Variants in RB1 observed in about 807,000 individuals in gnomAD.
RB1 encodes retinoblastoma-associated protein.
A neutral mutation model predicts 135.4 loss-of-function variants in RB1; 18 were observed. The observed-to-expected ratio is 0.13, with a 90% CI of 0.09 to 0.20. RB1 has a LOEUF of 0.20. RB1 is among the 10% of genes least tolerant of loss of function. The pLI, the probability that RB1 is intolerant of heterozygous loss-of-function variation, is 1.00. For synonymous variants in RB1, 365 were observed against 373.2 expected (o/e 0.98, Z 0.25); for missense variants, 868 against 1,110.0 (o/e 0.78, Z 3.10).
At chr13:48,461,828 T>A (rs1244444869) in intron 20 of RB1, among the ~76,000 whole-genome samples, 2 of 152,080 alleles carry the variant, frequency 1.3e-5, no homozygotes, top group Non-Finnish European at 2.9e-5. Context: ...CCATTTTATT[T>A]TTTATTTATT....
intron 24 of RB1, among the ~76,000 whole-genome samples, chr13:48,475,226 A>G (rs1949496931): frequency 1.3e-5 from 2 of 152,212 alleles, no homozygotes; most frequent in African/African-American, 4.8e-5. Flanking sequence ...GTGTTGCTAC[A>G]TAATACATTA....
chr13:48,480,278 A>T lies in RB1; in HGVS notation c.*207A>T, dbSNP rs1949530758. The T allele has an allele frequency of 1.7e-6, 1 of 577,878 alleles. No individual in the cohort carries two copies. The highest frequency in any genetic ancestry group is 2.0e-5 in the South Asian group (1 of 49,088). 35.8% of individuals were successfully genotyped at this position (577,878 alleles called of 1,614,324 possible). Reference sequence around the variant, plus strand: ...TCATTGTTATTTATACAAGATTGAAAATCTTGTGTAAATCCTGCCATTTAA... The same window carrying T: ...TCATTGTTATTTATACAAGATTGAATATCTTGTGTAAATCCTGCCATTTAA... On this transcript the variant is annotated 3_prime_UTR_variant, in exon 27 of 27. Coordinates refer to ENST00000267163, the MANE Select transcript of RB1 (RefSeq NM_000321.3).
intron 24 of RB1, among the ~76,000 whole-genome samples, chr13:48,474,704 C>A (rs1000008890): frequency 6.6e-6 from 1 of 151,970 alleles, no homozygotes; most frequent in Non-Finnish European, 1.5e-5. Context: ...GAGATCCTGC[C>A]TCAGTGAAAG....
Position 48,403,522 on chromosome 13 carries a change from C to G in RB1, c.1695+22079C>G, listed in dbSNP as rs150667698. Among the ~76,000 whole-genome samples the G allele has an allele frequency of 3.7e-3, 570 of 152,130 alleles. 1 individual carries two copies. The highest frequency in any genetic ancestry group is 0.013 in the African/African-American group (531 of 41,496). On this transcript the variant is annotated intron_variant, in intron 17 of 26. Coordinates refer to ENST00000267163, the MANE Select transcript of RB1 (RefSeq NM_000321.3). ...CACACAACACCCCCAGGAAAGGGGACTGGTGGAAGTGGGAGTCTTAGAGAG... is the reference window on the plus strand; with the variant it reads ...CACACAACACCCCCAGGAAAGGGGAGTGGTGGAAGTGGGAGTCTTAGAGAG...
chr13:48,451,406 A>T (rs1019210781), intron 17 of RB1, among the ~76,000 whole-genome samples: 1 of 152,170 alleles, frequency 6.6e-6, no homozygotes, highest in African/African-American at 2.4e-5. Context: ...AATTCTGTTT[A>T]TGTGATGAAT....
In RB1 at chr13:48,392,213, C is replaced by T. The variant is rs148507674; in HGVS notation, c.1695+10770C>T. On this transcript the variant is annotated intron_variant, in intron 17 of 26. Coordinates refer to ENST00000267163, the MANE Select transcript of RB1 (RefSeq NM_000321.3). ...GCAACCTCTGCCTCCCAGGTTCAAG[C>T]GATTCTTCTGCCTCAGCCTCCTGAG... Among the ~76,000 whole-genome samples, 1,797 of 152,088 alleles carry T rather than the reference C, an allele frequency of 0.012. 67 individuals are homozygous for T. In the East Asian group the frequency reaches 0.12, roughly 10 times the overall value.
chr13:48,335,499 A>G (rs1279675648), intron 2 of RB1, among the ~76,000 whole-genome samples: 1 of 152,138 alleles, frequency 6.6e-6, no homozygotes. Flanking sequence ...TCTTAGCTAT[A>G]AAACTGAGGT....
chr13:48,480,017 G>A lies in RB1; in HGVS notation c.2733G>A (p.Met911Ile), dbSNP rs2138364425. 6.2e-7 allele frequency: 1 copy of A among 1,613,388 alleles called. No homozygotes were observed. Among genetic ancestry groups the A allele is most frequent in the Non-Finnish European group, 8.5e-7 (1 of 1,179,522 alleles). ...LAEMTSTRTR[M>I]QKQKMNDSMD... ...TTCCAGCTTCTACTCGAACACGAAT[G>A]CAAAAGCAGAAAATGAATGATAGCA... The change falls in exon 27 of 27, where the codon ATG (methionine) becomes ATA (isoleucine). Residue 911 changes from methionine (M) to isoleucine (I), a missense_variant. Coordinates refer to ENST00000267163, the MANE Select transcript of RB1 (RefSeq NM_000321.3).
intron 2 of RB1, among the ~76,000 whole-genome samples, chr13:48,321,514 G>A (rs1259241387): frequency 2.6e-5 from 4 of 151,852 alleles, no homozygotes; most frequent in African/African-American, 9.7e-5. Context: ...GATTGGTGAT[G>A]TTGAGTATTT....
chr13:48,331,822 C>T (rs763502440), intron 2 of RB1, among the ~76,000 whole-genome samples: 7 of 152,170 alleles, frequency 4.6e-5, no homozygotes, highest in African/African-American at 1.2e-4. Context: ...TATTCACAGT[C>T]GCAAAGATAT....
At chr13:48,451,597 C>A (rs1949327384) in intron 17 of RB1, among the ~76,000 whole-genome samples, 1 of 152,122 alleles carries the variant, frequency 6.6e-6, no homozygotes, top group African/African-American at 2.4e-5. Flanking sequence ...TGTTGTATCT[C>A]TGTTAGGTTT....
At chr13:48,356,646 A>T (rs1952594502) in intron 6 of RB1, among the ~76,000 whole-genome samples, 1 of 151,966 alleles carries the variant, frequency 6.6e-6, no homozygotes, top group Admixed American at 6.6e-5. Flanking sequence ...ATAACATTTA[A>T]ATTCTATTTT....
chr13:48,371,620 G>GTA (rs1952759283), intron 11 of RB1, among the ~76,000 whole-genome samples: 1 of 152,102 alleles, frequency 6.6e-6, no homozygotes, highest in Admixed American at 6.6e-5. Flanking sequence ...CTAGTAAGCA[G>GTA]TAGGATAGCC....
chr13:48,321,764 G>A (rs1392969704), intron 2 of RB1, among the ~76,000 whole-genome samples: 3 of 152,130 alleles, frequency 2.0e-5, no homozygotes, highest in African/African-American at 7.2e-5. Flanking sequence ...ACTGAGGCAG[G>A]AGAATGACAT....
intron 17 of RB1, among the ~76,000 whole-genome samples, chr13:48,410,010 T>A (rs1390312514): frequency 6.6e-6 from 1 of 152,186 alleles, no homozygotes; most frequent in Non-Finnish European, 1.5e-5. Context: ...TTTTGTTTAG[T>A]TATTTGGCCT....
Position 48,359,926 on chromosome 13 carries a change from T to C in RB1, c.608-91T>C, listed in dbSNP as rs191739410. The stretch of plus-strand genomic sequence containing the variant: ...ATGCTGATAGTGATTGTTGAATGAA[T>C]AAATTTATGGATATACTCTACCCTG... On this transcript the variant is annotated intron_variant, in intron 6 of 26. Transcript: ENST00000267163. 1,431 of 1,535,854 alleles carry C rather than the reference T, an allele frequency of 9.3e-4. 3 individuals carry two copies. Among genetic ancestry groups the C allele is most frequent in the Middle Eastern group, 8.0e-3 (34 of 4,274 alleles).
chr13:48,375,558 T>C (rs1008859060), intron 12 of RB1, among the ~76,000 whole-genome samples: 2 of 150,228 alleles, frequency 1.3e-5, no homozygotes, highest in Non-Finnish European at 3.0e-5. Context: ...ACAATGAAAA[T>C]TATAATCTTA....
At chr13:48,443,376 G>A (rs189897875) in intron 17 of RB1, among the ~76,000 whole-genome samples, 1 of 151,894 alleles carries the variant, frequency 6.6e-6, no homozygotes, top group African/African-American at 2.4e-5. Flanking sequence ...TTTTTAAAAA[G>A]AAGTTTAAAA....
chr13:48,366,288 T>C (rs192743731), intron 9 of RB1, among the ~76,000 whole-genome samples: 1 of 152,338 alleles, frequency 6.6e-6, no homozygotes, highest in East Asian at 1.9e-4. Flanking sequence ...AAGAGTAATT[T>C]TACTTTTTCT....
Sources: gnomAD v4.1 joint callset for allele counts (sites outside exome capture counted in the v4.1 genomes callset) on GRCh38, gnomAD v4.1.1 for gene constraint, MANE v1.5 for transcripts, NCBI Gene and HGNC (gene_info 2026-07-23, HGNC 2026-07-21) for gene names.